GAREM1: variants seen among roughly 807,000 people sequenced by gnomAD.
The protein encoded by GAREM1 is GRB2-associated and regulator of MAPK protein 1.
Under a neutral mutation model 71.3 loss-of-function variants are expected in GAREM1, and 26 were observed. That is an observed-to-expected ratio of 0.36 (90% confidence interval 0.27 to 0.51). GAREM1 has a LOEUF of 0.51. Ranked by LOEUF, GAREM1 falls within the 20% of genes least tolerant of loss-of-function variation. The probability of loss-of-function intolerance (pLI) is 0.95; values close to 1 mark genes in which losing one functional copy is unlikely to be tolerated. For missense variants in GAREM1, 1,026 were observed against 1,103.1 expected (o/e 0.93, Z 0.99); for synonymous variants, 440 against 433.2 (o/e 1.02, Z -0.20).
chr18:32,468,146 A>G (rs1272173472), intron 1 of GAREM1, among the ~76,000 whole-genome samples: 1 of 152,246 alleles, frequency 6.6e-6, no homozygotes, highest in Non-Finnish European at 1.5e-5. Context: ...GGATTTTAAT[A>G]GGACTGACAT....
intron 2 of GAREM1, among the ~76,000 whole-genome samples, chr18:32,346,935 G>A (rs970133893): frequency 1.5e-4 from 23 of 152,080 alleles, no homozygotes; most frequent in African/African-American, 5.3e-4. Flanking sequence ...AGGAGACGCT[G>A]TGTCGGCACC....
intron 4 of GAREM1, among the ~76,000 whole-genome samples, chr18:32,277,902 A>T (rs551353627): frequency 2.8e-3 from 426 of 152,308 alleles, no homozygotes; most frequent in Non-Finnish European, 4.4e-3. Flanking sequence ...CATACATACA[A>T]TTGGAGTGCT....
intron 2 of GAREM1, among the ~76,000 whole-genome samples, chr18:32,377,745 A>G (rs1259443278): frequency 6.6e-6 from 1 of 151,976 alleles, no homozygotes; most frequent in Non-Finnish European, 1.5e-5. Flanking sequence ...TTGTATTTTT[A>G]GTAGATATGG....
intron 2 of GAREM1, among the ~76,000 whole-genome samples, chr18:32,353,434 T>C (rs1298309182): frequency 1.3e-5 from 2 of 152,212 alleles, no homozygotes; most frequent in Non-Finnish European, 2.9e-5. Flanking sequence ...TTTGTTAATG[T>C]ACAGCCAGCT....
At position 32,456,649 on chromosome 18, in the gene GAREM1, G is replaced by T. The variant is rs538208499; in HGVS notation, c.121+13659C>A. ...TTGGTAATTGCATAGGAAATGAAAAGAATCAGGAAAACAATGTTATCAAAA... is the reference window on the plus strand; with the variant it reads ...TTGGTAATTGCATAGGAAATGAAAATAATCAGGAAAACAATGTTATCAAAA... On this transcript the variant is annotated intron_variant, in intron 1 of 5. Coordinates refer to ENST00000269209, the MANE Select transcript of GAREM1 (RefSeq NM_001242409.2). 4.6e-5 allele frequency among the ~76,000 whole-genome samples: 7 copies of T among 152,096 alleles called. No homozygotes were observed. In the East Asian group the frequency reaches 1.2e-3, roughly 25 times the overall value.
chr18:32,338,630 A>G (rs1453036532), intron 2 of GAREM1, among the ~76,000 whole-genome samples: 1 of 152,166 alleles, frequency 6.6e-6, no homozygotes. Context: ...TAAGGTCTTG[A>G]AATTTTGGAT....
At chr18:32,427,276 G>C (rs536648519) in intron 1 of GAREM1, among the ~76,000 whole-genome samples, 31 of 152,296 alleles carry the variant, frequency 2.0e-4, no homozygotes, top group African/African-American at 7.0e-4. Flanking sequence ...TTACTGAGCA[G>C]CAATTCTTTT....
At chr18:32,458,011 T>C (rs549997250) in intron 1 of GAREM1, among the ~76,000 whole-genome samples, 2 of 152,242 alleles carry the variant, frequency 1.3e-5, no homozygotes, top group Admixed American at 1.3e-4. Context: ...TCTCCCCATG[T>C]CTGGAAGTGA....
At chr18:32,400,801 T>C (rs1216593205) in intron 1 of GAREM1, among the ~76,000 whole-genome samples, 1 of 152,198 alleles carries the variant, frequency 6.6e-6, no homozygotes, top group Non-Finnish European at 1.5e-5. Flanking sequence ...AAATACCATT[T>C]GACCCAGCCA....
At chr18:32,458,633 T>C (rs2048920750) in intron 1 of GAREM1, among the ~76,000 whole-genome samples, 1 of 151,860 alleles carries the variant, frequency 6.6e-6, no homozygotes, top group Non-Finnish European at 1.5e-5. Flanking sequence ...GGAGATTTTA[T>C]TACAGGAGAT....
At chr18:32,276,130 G>A (rs1300653264) in intron 4 of GAREM1, among the ~76,000 whole-genome samples, 3 of 152,202 alleles carry the variant, frequency 2.0e-5, no homozygotes, top group Non-Finnish European at 4.4e-5. Flanking sequence ...AGGTAGAAAC[G>A]GTGAGTTCTG....
intron 1 of GAREM1, among the ~76,000 whole-genome samples, chr18:32,441,942 C>T (rs1354709068): frequency 1.3e-5 from 2 of 152,298 alleles, no homozygotes; most frequent in East Asian, 1.9e-4. Flanking sequence ...CAATACAACA[C>T]CGTGCAGCTG....
intron 2 of GAREM1, among the ~76,000 whole-genome samples, chr18:32,365,157 T>G (rs985853978): frequency 6.6e-6 from 1 of 152,200 alleles, no homozygotes; most frequent in Non-Finnish European, 1.5e-5. Context: ...TCTTTACTCC[T>G]AGGCTTCACA....
At chr18:32,438,815 A>C (rs931990421) in intron 1 of GAREM1, among the ~76,000 whole-genome samples, 8 of 152,310 alleles carry the variant, frequency 5.3e-5, no homozygotes, top group African/African-American at 1.9e-4. Context: ...TTGTCACTGA[A>C]ATAAGTAGTT....
intron 1 of GAREM1, among the ~76,000 whole-genome samples, chr18:32,447,164 G>C (rs117995053): frequency 1.3e-5 from 2 of 152,164 alleles, no homozygotes; most frequent in Admixed American, 6.6e-5. Context: ...ACATTCAGTA[G>C]GAAGCTGTGC....
chr18:32,466,904 T>C (rs1207285323), intron 1 of GAREM1, among the ~76,000 whole-genome samples: 1 of 152,178 alleles, frequency 6.6e-6, no homozygotes, highest in African/African-American at 2.4e-5. Context: ...CCAGAAAAAC[T>C]TGTGGGGCAA....
intron 2 of GAREM1, among the ~76,000 whole-genome samples, chr18:32,388,348 G>A (rs1159308155): frequency 6.6e-6 from 1 of 152,150 alleles, no homozygotes; most frequent in Non-Finnish European, 1.5e-5. Context: ...GAAAAGAACT[G>A]TTTTGCCACC....
At chr18:32,439,706 C>T (rs1052308263) in intron 1 of GAREM1, among the ~76,000 whole-genome samples, 10 of 150,846 alleles carry the variant, frequency 6.6e-5, no homozygotes, top group Admixed American at 3.3e-4. Flanking sequence ...GGTAAGAATA[C>T]GAGAGGTCAT....
At chr18:32,395,423 A>C (rs1445663693) in intron 1 of GAREM1, among the ~76,000 whole-genome samples, 1 of 152,272 alleles carries the variant, frequency 6.6e-6, no homozygotes, top group South Asian at 2.1e-4. Flanking sequence ...TTAAATTACA[A>C]ATTCATTCGA....
Sources: gnomAD v4.1 joint callset for allele counts (sites outside exome capture counted in the v4.1 genomes callset) on GRCh38, gnomAD v4.1.1 for gene constraint, MANE v1.5 for transcripts, NCBI Gene and HGNC (gene_info 2026-07-23, HGNC 2026-07-21) for gene names.